Variants in GINS4 observed in about 807,000 individuals in gnomAD.
GINS4 encodes DNA replication complex GINS protein SLD5.
In GINS4, 20 loss-of-function variants were observed where a neutral mutation model predicts 31.1. The ratio of observed to expected loss-of-function variants is 0.64; its 90% CI spans 0.45 to 0.93. The LOEUF is 0.93. GINS4 is among the 40% of genes least tolerant of loss of function. The probability of loss-of-function intolerance (pLI) is 0.00; values close to 1 mark genes in which losing one functional copy is unlikely to be tolerated. For missense variants in GINS4, 245 were observed against 273.9 expected, an observed-to-expected ratio of 0.89 and a Z score of 0.75; for synonymous variants, 85 against 97.9, an observed-to-expected ratio of 0.87 and a Z score of 0.78.
Position 41,531,000 on chromosome 8 carries a change from G to A in GINS4, c.96+702G>A, listed in dbSNP as rs1019049211. Among the ~76,000 whole-genome samples the A allele has an allele frequency of 2.0e-5, 3 of 152,278 alleles. No individual in the cohort carries two copies. The South Asian group carries it at 6.2e-4, about 32-fold the overall frequency. ...AAATTGAGACAATAGGGCCGGGCAC[G>A]GTGGCTCAAGCCTGTAATGCCAGCA... is the stretch of plus-strand genomic sequence containing the variant. On this transcript the variant is annotated intron_variant, in intron 2 of 7. Transcript: ENST00000276533.
chr8:41,531,742 G>A (rs1806650636), intron 2 of GINS4, among the ~76,000 whole-genome samples: 1 of 152,130 alleles, frequency 6.6e-6, no homozygotes, highest in Non-Finnish European at 1.5e-5. Context: ...GACCTAGTTT[G>A]TGGAACAGCA....
At chr8:41,536,939 T>A in intron 3 of GINS4, 1 of 486,920 alleles carries the variant, frequency 2.1e-6, no homozygotes. Flanking sequence ...CTGTGTGCTG[T>A]ACTATCTCCC....
intron 2 of GINS4, among the ~76,000 whole-genome samples, chr8:41,530,991 G>A (rs1365219025): frequency 6.6e-6 from 1 of 152,222 alleles, no homozygotes; most frequent in Non-Finnish European, 1.5e-5. Context: ...AGACAATAGG[G>A]CCGGGCACGG....
In GINS4 at chr8:41,542,027, C is replaced by A. The variant is rs769636118; in HGVS notation, c.612C>A (p.His204Gln). ...YVIDLEKGSQ[H>Q]LIRYKTIAPL... ...TTGACCTGGAGAAGGGCTCACAGCA[C>A]TTGATCCGATACAAAACCATTGCAC... The change falls in exon 8 of 8, where the codon CAC (histidine) becomes CAA (glutamine). Residue 204 changes from histidine (H) to glutamine (Q), a missense_variant. Physicochemically the swap from His to Gln is conservative, Grantham distance 24. Transcript: ENST00000276533. The A allele has an allele frequency of 6.2e-7, 1 of 1,614,158 alleles. No homozygotes were observed. The highest frequency in any genetic ancestry group is 8.5e-7 in the Non-Finnish European group (1 of 1,180,030).
intron 4 of GINS4, 77 bp downstream of exon 4, chr8:41,537,370 G>T: frequency 9.0e-7 from 1 of 1,105,996 alleles, no homozygotes; most frequent in Non-Finnish European, 1.3e-6. Context: ...GGAAAACTTG[G>T]GCTGGGGCCC....
chr8:41,536,250 C>G lies in GINS4; in HGVS notation c.97-110C>G, dbSNP rs573838623. 4.7e-4 allele frequency: 348 copies of G among 746,324 alleles called. 2 individuals are homozygous for G. Among genetic ancestry groups the G allele is most frequent in the South Asian group, 1.0e-3 (71 of 69,766 alleles). 46.2% of individuals were successfully genotyped at this position (746,324 alleles called of 1,614,324 possible). On this transcript the variant is annotated intron_variant, in intron 2 of 7. Transcript: ENST00000276533. Reference sequence around the variant, plus strand: ...TCAATGTTTCCAGTTGGTGGGCAGACAGTTTTCTTGCCTGCGCCATCCCTG... The same window carrying G: ...TCAATGTTTCCAGTTGGTGGGCAGAGAGTTTTCTTGCCTGCGCCATCCCTG...
In GINS4 at chr8:41,537,045, T is replaced by C. The variant is rs1806751035; in HGVS notation, c.184-135T>C. On this transcript the variant is annotated intron_variant, in intron 3 of 7. Transcript: ENST00000276533. ...AAGTAAATGACTATTGTTTGTACTT[T>C]ATACAATGATAAAATGAAAACTCAC... 3 of 623,152 alleles carry C rather than the reference T, an allele frequency of 4.8e-6. No homozygotes were observed. In the African/African-American group the frequency reaches 5.5e-5, roughly 11 times the overall value. 38.6% of individuals were successfully genotyped at this position (623,152 alleles called of 1,614,324 possible).
At chr8:41,533,949 G>C (rs898778554) in intron 2 of GINS4, among the ~76,000 whole-genome samples, 2 of 152,070 alleles carry the variant, frequency 1.3e-5, no homozygotes, top group Non-Finnish European at 2.9e-5. Flanking sequence ...AGTCTTACTG[G>C]ATTAGGGGCC....
At chr8:41,534,852 C>T (rs902654644) in intron 2 of GINS4, among the ~76,000 whole-genome samples, 1 of 151,916 alleles carries the variant, frequency 6.6e-6, no homozygotes. Context: ...GCCTCAGCCT[C>T]CCAAGTAGCT....
intron 4 of GINS4, among the ~76,000 whole-genome samples, chr8:41,538,448 G>A (rs984884864): frequency 6.6e-6 from 1 of 152,136 alleles, no homozygotes; most frequent in Non-Finnish European, 1.5e-5. Flanking sequence ...TGACAGGTAC[G>A]CTGCCTGAGC....
intron 3 of GINS4, chr8:41,536,974 G>C (rs1806750114): frequency 5.7e-6 from 3 of 522,404 alleles, no homozygotes; most frequent in Non-Finnish European, 1.0e-5. Context: ...GAGTTCTTTT[G>C]GAAGCCTCTG....
At chr8:41,541,921 C>T (rs989545816) in intron 7 of GINS4, 22 bp downstream of exon 7, 2 of 1,611,718 alleles carry the variant, frequency 1.2e-6, no homozygotes, top group African/African-American at 1.3e-5. Context: ...GCATCTTTCA[C>T]AGTGGGCACA....
rs113767927 is a variant in GINS4, at chr8:41,539,782, G to T, written c.395+7G>T. The T allele has an allele frequency of 1.8e-3, 2,865 of 1,612,496 alleles. 22 individuals are homozygous for T. The highest frequency in any genetic ancestry group is 0.013 in the African/African-American group (962 of 75,026). On this transcript the variant is annotated splice_region_variant and intron_variant, in intron 5 of 7. Transcript: ENST00000276533. ...AGTTGGCCTTTGCCAGAGAGTGAGT[G>T]AGTGAGCCGTTGGCGTGGGGCACCT...
chr8:41,538,211 C>T (rs1806775178), intron 4 of GINS4, among the ~76,000 whole-genome samples: 2 of 152,158 alleles, frequency 1.3e-5, no homozygotes, highest in Admixed American at 6.6e-5. Context: ...TTCTCTCAGG[C>T]ATACATTTTA....
chr8:41,532,824 C>T (rs1806670833), intron 2 of GINS4, among the ~76,000 whole-genome samples: 1 of 142,538 alleles, frequency 7.0e-6, no homozygotes, highest in Admixed American at 7.1e-5. Context: ...CAGAGCAAGA[C>T]TCCATCTCAA....
Position 41,539,776 on chromosome 8 carries a change from G to C in GINS4, c.395+1G>C. 1 of 1,611,942 alleles carries C rather than the reference G, an allele frequency of 6.2e-7. No individual in the cohort carries two copies. Among genetic ancestry groups the C allele is most frequent in the Non-Finnish European group, 8.5e-7 (1 of 1,178,044 alleles). On this transcript the variant is annotated splice_donor_variant, in intron 5 of 7. Coordinates refer to ENST00000276533, the MANE Select transcript of GINS4 (RefSeq NM_032336.3). LOFTEE classifies it high-confidence loss of function. ...CGGAAGAGTTGGCCTTTGCCAGAGA[G>C]TGAGTGAGTGAGCCGTTGGCGTGGG... is the stretch of plus-strand genomic sequence containing the variant.
chr8:41,530,390 A>G, intron 2 of GINS4, 92 bp downstream of exon 2: 1 of 884,564 alleles, frequency 1.1e-6, no homozygotes, highest in Non-Finnish European at 1.8e-6. Flanking sequence ...AGGAAACGGA[A>G]TTTGGGGCTT....
chr8:41,534,341 A>G (rs563997582), intron 2 of GINS4: 63 of 339,932 alleles, frequency 1.9e-4, no homozygotes, highest in African/African-American at 1.3e-3. Flanking sequence ...TTGGAGGTCA[A>G]GAATGCAGTG....
chr8:41,541,907 G>T lies in GINS4; in HGVS notation c.575+8G>T, dbSNP rs1806847728. ...AGACACAGATGAGCAGAGGTGAGTG[G>T]CGTGCATCTTTCACAGTGGGCACAT... On this transcript the variant is annotated splice_region_variant and intron_variant, in intron 7 of 7. Transcript: ENST00000276533. 3.1e-6 allele frequency: 5 copies of T among 1,613,656 alleles called. No individual in the cohort carries two copies. Among genetic ancestry groups the T allele is most frequent in the Non-Finnish European group, 4.2e-6 (5 of 1,179,518 alleles).
Sources: allele counts gnomAD v4.1 joint callset (sites outside exome capture counted in the v4.1 genomes callset), GRCh38; gene constraint gnomAD v4.1.1; transcripts MANE v1.5; gene names NCBI Gene and HGNC (gene_info 2026-07-23, HGNC 2026-07-21).